Variants in TMEM132D observed in about 807,000 individuals in gnomAD.
TMEM132D encodes mature OL transmembrane protein.
TMEM132D carries 21 observed loss-of-function variants against 62.3 expected under a neutral mutation model. The ratio of observed to expected loss-of-function variants is 0.34; its 90% CI spans 0.24 to 0.49. TMEM132D has a LOEUF of 0.49. Among genes scored for constraint, TMEM132D ranks in the 20% least tolerant of loss-of-function variants. TMEM132D has a pLI of 0.99. For missense variants in TMEM132D, 1,346 were observed against 1,402.8 expected, an observed-to-expected ratio of 0.96 and a Z score of 0.65; for synonymous variants, 621 against 575.6, an observed-to-expected ratio of 1.08 and a Z score of -1.13.
chr12:129,095,067 G>T (rs934472593), intron 5 of TMEM132D, among the ~76,000 whole-genome samples: 1 of 151,728 alleles, frequency 6.6e-6, no homozygotes, highest in Non-Finnish European at 1.5e-5. Flanking sequence ...AGCATTAGGA[G>T]ATATATCTAA....
chr12:129,517,905 A>T (rs971021917), intron 3 of TMEM132D, among the ~76,000 whole-genome samples: 4 of 152,148 alleles, frequency 2.6e-5, no homozygotes, highest in Non-Finnish European at 5.9e-5. Context: ...CTGCCTTGAA[A>T]CTTATCGGTG....
chr12:129,336,142 C>T (rs1869264218), intron 4 of TMEM132D, among the ~76,000 whole-genome samples: 1 of 152,216 alleles, frequency 6.6e-6, no homozygotes, highest in South Asian at 2.1e-4. Context: ...GTACTTAACT[C>T]ATAATTAGCC....
chr12:129,192,724 G>C (rs528743692), intron 5 of TMEM132D, among the ~76,000 whole-genome samples: 2 of 152,116 alleles, frequency 1.3e-5, no homozygotes, highest in African/African-American at 4.8e-5. Context: ...GGCACAAATG[G>C]GGGGTTTGAA....
intron 3 of TMEM132D, among the ~76,000 whole-genome samples, chr12:129,362,775 A>G (rs937632183): frequency 6.6e-6 from 1 of 152,168 alleles, no homozygotes; most frequent in African/African-American, 2.4e-5. Context: ...CAGAAAACAC[A>G]AAATCAGAAT....
intron 3 of TMEM132D, among the ~76,000 whole-genome samples, chr12:129,347,817 A>T (rs11060267): frequency 0.29 from 44,524 of 152,132 alleles, 7,377 homozygotes; most frequent in South Asian, 0.39. Flanking sequence ...TCCATCTGAC[A>T]AAGGTCTAAT....
At chr12:129,529,287 T>A (rs1280234674) in intron 3 of TMEM132D, among the ~76,000 whole-genome samples, 1 of 152,256 alleles carries the variant, frequency 6.6e-6, no homozygotes, top group Non-Finnish European at 1.5e-5. Flanking sequence ...GGTCCTCGTT[T>A]CTTAAAGAAG....
chr12:129,897,070 C>G (rs1875164619), intron 1 of TMEM132D, among the ~76,000 whole-genome samples: 1 of 152,192 alleles, frequency 6.6e-6, no homozygotes. Context: ...AAGCACCTAG[C>G]CTCTGACTGT....
At chr12:129,504,884 G>A (rs1480614367) in intron 3 of TMEM132D, among the ~76,000 whole-genome samples, 1 of 152,114 alleles carries the variant, frequency 6.6e-6, no homozygotes, top group Non-Finnish European at 1.5e-5. Context: ...TGCCTTTGCT[G>A]TATCCCACAG....
At chr12:129,191,092 G>A (rs985805814) in intron 5 of TMEM132D, among the ~76,000 whole-genome samples, 1 of 152,106 alleles carries the variant, frequency 6.6e-6, no homozygotes, top group African/African-American at 2.4e-5. Context: ...TCCTCTCCAA[G>A]GGACGTGGGC....
At chr12:129,604,001 T>A (rs1298137779) in intron 2 of TMEM132D, among the ~76,000 whole-genome samples, 1 of 152,008 alleles carries the variant, frequency 6.6e-6, no homozygotes, top group East Asian at 1.9e-4. Context: ...AAAAAATGAG[T>A]TCATGTCCTT....
At chr12:129,814,338 G>A (rs771450211) in intron 1 of TMEM132D, among the ~76,000 whole-genome samples, 49 of 152,036 alleles carry the variant, frequency 3.2e-4, no homozygotes, top group Admixed American at 2.0e-3. Context: ...CGCCAGGTGC[G>A]GTGGCTCACG....
chr12:129,757,031 A>G (rs1473393345), intron 1 of TMEM132D, among the ~76,000 whole-genome samples: 3 of 152,152 alleles, frequency 2.0e-5, no homozygotes, highest in African/African-American at 7.2e-5. Flanking sequence ...CTGTCATGGC[A>G]GATACTTGGG....
rs553195338 is a variant in TMEM132D at position 129,099,856 on chromosome 12, C to T, written c.1444-15154G>A. 1.7e-4 allele frequency among the ~76,000 whole-genome samples: 23 copies of T among 138,324 alleles called. No individual in the cohort carries two copies. In the East Asian group the frequency reaches 3.9e-3, roughly 24 times the overall value. The allele number at this position is 138,324 out of a possible 152,430, so 90.7% of individuals were successfully genotyped here. On this transcript the variant is annotated intron_variant, in intron 5 of 8. Coordinates refer to ENST00000422113, the MANE Select transcript of TMEM132D (RefSeq NM_133448.3). The stretch of plus-strand genomic sequence containing the variant: ...ATTTTTATTTTTTGAGACGGAGTCT[C>T]GCTCTGTCGCCCAGGCTGGAGTGCA...
intron 5 of TMEM132D, among the ~76,000 whole-genome samples, chr12:129,117,056 A>G (rs1392422936): frequency 1.3e-5 from 2 of 152,134 alleles, no homozygotes; most frequent in Non-Finnish European, 2.9e-5. Flanking sequence ...TGTGCTATAT[A>G]ATGGAACATT....
intron 1 of TMEM132D, among the ~76,000 whole-genome samples, chr12:129,841,025 A>T (rs1260654347): frequency 6.6e-6 from 1 of 152,192 alleles, no homozygotes; most frequent in Non-Finnish European, 1.5e-5. Flanking sequence ...CAGAGTATAG[A>T]TTAAGTGTAT....
intron 4 of TMEM132D, among the ~76,000 whole-genome samples, chr12:129,324,812 A>G (rs1054422702): frequency 6.6e-6 from 1 of 152,140 alleles, no homozygotes; most frequent in Non-Finnish European, 1.5e-5. Flanking sequence ...TGGGCAATAG[A>G]GCGAGACTCC....
chr12:129,784,510 C>T (rs926206803), intron 1 of TMEM132D, among the ~76,000 whole-genome samples: 10 of 152,172 alleles, frequency 6.6e-5, no homozygotes, highest in African/African-American at 1.7e-4. Flanking sequence ...GCACAAGATT[C>T]TTTGCATGCC....
At chr12:129,081,511 G>A (rs1874443867) in intron 7 of TMEM132D, among the ~76,000 whole-genome samples, 1 of 152,048 alleles carries the variant, frequency 6.6e-6, no homozygotes, top group African/African-American at 2.4e-5. Flanking sequence ...TGTTACCCAG[G>A]CTAATCGCAA....
intron 5 of TMEM132D, among the ~76,000 whole-genome samples, chr12:129,168,390 A>T (rs1877623867): frequency 6.6e-6 from 1 of 152,094 alleles, no homozygotes; most frequent in South Asian, 2.1e-4. Context: ...TTTTTGCCAC[A>T]CCCAAAAGAA....
Sources: gnomAD v4.1 joint callset for allele counts (sites outside exome capture counted in the v4.1 genomes callset) on GRCh38, gnomAD v4.1.1 for gene constraint, MANE v1.5 for transcripts, NCBI Gene and HGNC (gene_info 2026-07-23, HGNC 2026-07-21) for gene names.